CLPB: variants seen among roughly 807,000 people sequenced by gnomAD.
CLPB encodes mitochondrial disaggregase.
In CLPB, 40 loss-of-function variants were observed where a neutral mutation model predicts 78.4. The ratio of observed to expected loss-of-function variants is 0.51; its 90% CI spans 0.40 to 0.66. The LOEUF (loss-of-function observed/expected upper bound fraction) is 0.66, where lower values mean the gene tolerates loss of function less well. Ranked by LOEUF, CLPB falls within the 30% of genes least tolerant of loss-of-function variation. CLPB has a pLI of 0.00. For missense variants in CLPB, 780 were observed against 886.9 expected (o/e 0.88, Z 1.53); for synonymous variants, 333 against 348.0 (o/e 0.96, Z 0.48).
chr11:72,331,570 GTTTTTTTTT>G (rs71062765), intron 5 of CLPB, among the ~76,000 whole-genome samples: 1 of 49,382 alleles, frequency 2.0e-5, no homozygotes, highest in Non-Finnish European at 3.5e-5. Flanking sequence ...TTTCTTTTCT[GTTTTTTTTT>G]TTTTTTTTTT....
chr11:72,376,561 T>TAA (rs61264751), intron 4 of CLPB, among the ~76,000 whole-genome samples: 3 of 130,670 alleles, frequency 2.3e-5, no homozygotes, highest in Non-Finnish European at 3.3e-5. Flanking sequence ...TAGAATTATT[T>TAA]AAAAAAAAAA....
chr11:72,408,317 A>C (rs1855770212), intron 2 of CLPB: 1 of 786,012 alleles, frequency 1.3e-6, no homozygotes, highest in Middle Eastern at 2.3e-4. Flanking sequence ...CTCTTGTGCA[A>C]GGTGGTCGTA....
chr11:72,408,105 G>A, intron 2 of CLPB: 2 of 1,532,876 alleles, frequency 1.3e-6, no homozygotes, highest in Non-Finnish European at 8.7e-7. Context: ...AACCTGAGGG[G>A]CCATTCAGAG....
At chr11:72,299,677 C>T (rs1203044565) in intron 11 of CLPB, among the ~76,000 whole-genome samples, 1 of 152,232 alleles carries the variant, frequency 6.6e-6, no homozygotes, top group Non-Finnish European at 1.5e-5. Flanking sequence ...TTTCCCCTGA[C>T]TTTGTGGGCT....
intron 2 of CLPB, among the ~76,000 whole-genome samples, chr11:72,420,044 A>G (rs936618006): frequency 2.0e-5 from 3 of 152,168 alleles, no homozygotes; most frequent in Non-Finnish European, 2.9e-5. Context: ...CTTAATTTTT[A>G]TCATTTACAA....
At position 72,386,497 on chromosome 11, in the gene CLPB, C is replaced by A. The variant is rs370644236; in HGVS notation, c.543-6113G>T. Among the ~76,000 whole-genome samples the A allele has an allele frequency of 6.4e-4, 97 of 152,304 alleles. 2 individuals are homozygous for A. The South Asian group carries it at 0.02, about 31-fold the overall frequency. ...AACCAGTAATGTTGATGGTTTCCCACGTACCATTTGGTTTGAATTTCATTA... is the reference window on the plus strand; with the variant it reads ...AACCAGTAATGTTGATGGTTTCCCAAGTACCATTTGGTTTGAATTTCATTA... On this transcript the variant is annotated intron_variant, in intron 3 of 15. Coordinates refer to ENST00000538039, the MANE Select transcript of CLPB (RefSeq NM_001258392.3).
At chr11:72,358,743 G>C (rs1445748536) in intron 5 of CLPB, 137 bp downstream of exon 5, 2 of 734,068 alleles carry the variant, frequency 2.7e-6, no homozygotes, top group Non-Finnish European at 4.4e-6. Context: ...CTCTGGGGAA[G>C]TATGTTATTT....
intron 2 of CLPB, chr11:72,408,259 G>C: frequency 8.2e-7 from 1 of 1,223,552 alleles, no homozygotes; most frequent in East Asian, 2.5e-5. Context: ...CTGGAGTTCA[G>C]ATTCTAGCTC....
At chr11:72,350,591 A>T (rs929998566) in intron 5 of CLPB, among the ~76,000 whole-genome samples, 5 of 152,244 alleles carry the variant, frequency 3.3e-5, no homozygotes, top group African/African-American at 9.6e-5. Flanking sequence ...TGTTAAAATA[A>T]TAACAGGAAA....
At chr11:72,347,337 A>G (rs1244272049) in intron 5 of CLPB, among the ~76,000 whole-genome samples, 1 of 152,042 alleles carries the variant, frequency 6.6e-6, no homozygotes, top group African/African-American at 2.4e-5. Flanking sequence ...GTGGCTCATA[A>G]CTCCAGCTAC....
At chr11:72,390,413 G>T (rs1378175238) in intron 3 of CLPB, among the ~76,000 whole-genome samples, 6 of 149,792 alleles carry the variant, frequency 4.0e-5, no homozygotes, top group Admixed American at 1.3e-4. Context: ...ACTCCAGCCT[G>T]GGCAACAGAG....
intron 5 of CLPB, among the ~76,000 whole-genome samples, chr11:72,335,105 T>C (rs1449239654): frequency 3.4e-5 from 5 of 148,348 alleles, no homozygotes; most frequent in Non-Finnish European, 5.9e-5. Context: ...GATCTGTCAA[T>C]AGGGCCTAGG....
chr11:72,403,176 C>T, intron 2 of CLPB, 124 bp from the exon 3 acceptor site: 1 of 921,708 alleles, frequency 1.1e-6, no homozygotes, highest in Non-Finnish European at 1.7e-6. Context: ...AAAGTAGAAA[C>T]AACCATAGAA....
rs1855612183 is a variant in CLPB, at chr11:72,403,112, C to T, written c.456-60G>A. 4 of 1,472,210 alleles carry T rather than the reference C, an allele frequency of 2.7e-6. No homozygotes were observed. The South Asian group carries it at 3.4e-5, about 13-fold the overall frequency. The allele number at this position is 1,472,210 out of a possible 1,614,324, so 91.2% of individuals were successfully genotyped here. A position where few individuals can be genotyped will look rare whatever the true frequency, so the allele number is the denominator to read the frequency against. On this transcript the variant is annotated intron_variant, in intron 2 of 15. Transcript: ENST00000538039. Reference sequence around the variant, plus strand: ...GCTTGACATCTGCACCTTCTGACAACAGCCTAAAACAAGACAGAGGAATAT... The same window carrying T: ...GCTTGACATCTGCACCTTCTGACAATAGCCTAAAACAAGACAGAGGAATAT...
At chr11:72,427,702 G>A (rs1856426250) in intron 2 of CLPB, among the ~76,000 whole-genome samples, 1 of 152,176 alleles carries the variant, frequency 6.6e-6, no homozygotes, top group African/African-American at 2.4e-5. Context: ...ATATAGATTA[G>A]GTGTGTGGTA....
chr11:72,424,840 C>T (rs1241778078), intron 2 of CLPB, among the ~76,000 whole-genome samples: 1 of 151,754 alleles, frequency 6.6e-6, no homozygotes, highest in Non-Finnish European at 1.5e-5. Context: ...GAGCCGAGAT[C>T]GCACCACCGC....
At chr11:72,411,042 T>C (rs1240452975) in intron 2 of CLPB, among the ~76,000 whole-genome samples, 2 of 152,178 alleles carry the variant, frequency 1.3e-5, no homozygotes, top group African/African-American at 4.8e-5. Flanking sequence ...CTAACCTGTA[T>C]CAATGTAGTT....
At position 72,324,333 on chromosome 11, in the gene CLPB, C is replaced by T. The variant is rs1049139791; in HGVS notation, c.873+5374G>A. On this transcript the variant is annotated intron_variant, in intron 6 of 15. Transcript: ENST00000538039. Reference sequence around the variant, plus strand: ...CTATAATCCCAGCACTTTGGGAGGCCGAGGTGGGTGCATCACTTGAGGCCA... The same window carrying T: ...CTATAATCCCAGCACTTTGGGAGGCTGAGGTGGGTGCATCACTTGAGGCCA... 2.6e-5 allele frequency among the ~76,000 whole-genome samples: 4 copies of T among 152,010 alleles called. No individual in the cohort carries two copies. The South Asian group carries it at 6.2e-4, about 24-fold the overall frequency.
chr11:72,330,011 TACAC>T (rs1480070335), intron 5 of CLPB, among the ~76,000 whole-genome samples: 1 of 152,188 alleles, frequency 6.6e-6, no homozygotes, highest in Non-Finnish European at 1.5e-5. Flanking sequence ...GTGTTATACA[TACAC>T]AAACACACAC....
Sources: allele counts gnomAD v4.1 joint callset (sites outside exome capture counted in the v4.1 genomes callset), GRCh38; gene constraint gnomAD v4.1.1; transcripts MANE v1.5; gene names NCBI Gene and HGNC (gene_info 2026-07-23, HGNC 2026-07-21).